LUZP1: variants seen among roughly 807,000 people sequenced by gnomAD.
LUZP1 encodes the protein filamin mechanobinding actin cross-linking protein.
In LUZP1, 25 loss-of-function variants were observed where a neutral mutation model predicts 71.3. The observed-to-expected ratio is 0.35, with a 90% CI of 0.26 to 0.49. LUZP1 has a LOEUF of 0.49. LUZP1 is among the 20% of genes least tolerant of loss of function. LUZP1 has a pLI of 0.99. For missense variants in LUZP1, 1,142 were observed against 1,300.8 expected (o/e 0.88, Z 1.88); for synonymous variants, 481 against 506.4 (o/e 0.95, Z 0.67).
At chr1:23,164,215 G>A (rs765326531) in intron 2 of LUZP1, among the ~76,000 whole-genome samples, 2 of 152,170 alleles carry the variant, frequency 1.3e-5, no homozygotes, top group African/African-American at 2.4e-5. Flanking sequence ...ATAGTCACCG[G>A]CTGGGCGCGG....
intron 1 of LUZP1, among the ~76,000 whole-genome samples, chr1:23,176,062 C>CTTTTTTTTTTTTTTTT (rs57669214): frequency 7.7e-6 from 1 of 129,852 alleles, no homozygotes; most frequent in Non-Finnish European, 1.6e-5. Flanking sequence ...ACTTCCTTGA[C>CTTTTTTTTTTTTTTTT]TTTTTTTTTT....
At chr1:23,158,351 C>A (rs1235461979) in intron 2 of LUZP1, among the ~76,000 whole-genome samples, 1 of 152,102 alleles carries the variant, frequency 6.6e-6, no homozygotes, top group African/African-American at 2.4e-5. Context: ...TGAAATTTTT[C>A]TTGTAAAAGA....
At position 23,093,467 on chromosome 1, in the gene LUZP1, C is replaced by A. The variant is rs761100989; in HGVS notation, c.795G>T (p.Lys265Asn). The change falls in exon 4 of 5, where the codon AAG becomes AAT. Residue 265 changes from lysine (K) to asparagine (N), a missense_variant. Coordinates refer to ENST00000302291, the Ensembl canonical transcript of LUZP1. This position sits in a 1 kb window ranked among gnomAD's most constrained non-coding sequence, Gnocchi z 4.2. ...TGTTTCTTGTTTCATTCTCTACCTG[C>A]TTTAGGTAGTCCAGACCACCCTTCC... 6 of 1,613,066 alleles carry A rather than the reference C, an allele frequency of 3.7e-6. No individual in the cohort carries two copies. In the South Asian group the frequency reaches 6.6e-5, roughly 18 times the overall value.
At position 23,086,325 on chromosome 1, in the gene LUZP1, T is replaced by C. The variant is rs1404605365; in HGVS notation, c.*2570A>G. ...AAAATCTATCTAGAAAGTGTGCAGA[T>C]TAAAGAAACAAAATATCCTGAAATA... On this transcript the variant is annotated 3_prime_UTR_variant, in exon 5 of 5. Transcript: ENST00000302291. 1 of 152,634 alleles carries C rather than the reference T, an allele frequency of 6.6e-6. No homozygotes were observed. The highest frequency in any genetic ancestry group is 1.5e-5 in the Non-Finnish European group (1 of 68,022). The allele number at this position is 152,634 out of a possible 1,614,324, so 9.5% of individuals were successfully genotyped here.
At chr1:23,087,473 G>T (rs1009520250) in exon 5 of LUZP1, 1 of 152,436 alleles carries the variant, frequency 6.6e-6, no homozygotes, top group African/African-American at 2.4e-5. Flanking sequence ...GAGGCTCCAA[G>T]AAGACAATGA....
chr1:23,139,072 A>G (rs1402758097), intron 2 of LUZP1, among the ~76,000 whole-genome samples: 1 of 138,338 alleles, frequency 7.2e-6, no homozygotes, highest in Non-Finnish European at 1.5e-5. Context: ...TATTTTGTAT[A>G]TATAATGTGT....
chr1:23,121,886 C>T (rs990790390), intron 2 of LUZP1, among the ~76,000 whole-genome samples: 1 of 152,170 alleles, frequency 6.6e-6, no homozygotes, highest in African/African-American at 2.4e-5. Flanking sequence ...GTGGCGCACG[C>T]CTGTAATCTC....
At chr1:23,166,512 G>A (rs999150226) in intron 2 of LUZP1, among the ~76,000 whole-genome samples, 5 of 151,694 alleles carry the variant, frequency 3.3e-5, no homozygotes, top group African/African-American at 9.7e-5. Context: ...AAAATTAACC[G>A]GGCAAGGTGG....
In LUZP1 at chr1:23,093,559, G is replaced by T. The variant is rs1414150075; in HGVS notation, c.703C>A (p.Leu235Met). The change falls in exon 4 of 5, where the codon CTG becomes ATG. Residue 235 changes from leucine to methionine, a missense_variant. Transcript: ENST00000302291. The surrounding 1 kb of genome is among the most constrained non-coding windows in gnomAD (Gnocchi z 4.2). ...TCAATCCGTAGGTCATTTCTTTCCA[G>T]ATTAGAAGCATTCCTTGTATAATCT... 2.5e-6 allele frequency: 4 copies of T among 1,613,780 alleles called. No homozygotes were observed. Among genetic ancestry groups the T allele is most frequent in the African/African-American group, 2.7e-5 (2 of 74,896 alleles).
chr1:23,138,994 T>C (rs1644278339), intron 2 of LUZP1, among the ~76,000 whole-genome samples: 1 of 23,054 alleles, frequency 4.3e-5, no homozygotes, highest in African/African-American at 3.9e-4. Flanking sequence ...CAAGACTCCA[T>C]CTCAAAAAAA....
At chr1:23,114,439 A>AT (rs1464910947) in intron 2 of LUZP1, among the ~76,000 whole-genome samples, 2 of 152,296 alleles carry the variant, frequency 1.3e-5, no homozygotes, top group East Asian at 1.9e-4. Context: ...ATCAGGGGGT[A>AT]TGGGGCTAAG....
chr1:23,167,266 T>C (rs966807476), intron 2 of LUZP1, among the ~76,000 whole-genome samples: 1 of 151,980 alleles, frequency 6.6e-6, no homozygotes, highest in Non-Finnish European at 1.5e-5. Context: ...TCTTATTAGG[T>C]GATCTGAATT....
At chr1:23,089,957 A>G (rs561702369) in intron 4 of LUZP1, among the ~76,000 whole-genome samples, 8 of 152,086 alleles carry the variant, frequency 5.3e-5, no homozygotes, top group Non-Finnish European at 1.2e-4. Flanking sequence ...ACGGGGTTTC[A>G]CTATATTGTC....
chr1:23,157,617 C>T (rs909706231), intron 2 of LUZP1, among the ~76,000 whole-genome samples: 1 of 152,044 alleles, frequency 6.6e-6, no homozygotes, highest in Non-Finnish European at 1.5e-5. Flanking sequence ...ACAGTGAAAC[C>T]TCATCTCTAC....
At chr1:23,126,968 A>C (rs1057128046) in intron 2 of LUZP1, among the ~76,000 whole-genome samples, 1 of 152,248 alleles carries the variant, frequency 6.6e-6, no homozygotes, top group Non-Finnish European at 1.5e-5. Context: ...AGTCAAATGT[A>C]ATGTTGGCAA....
rs1436716822 is a variant in LUZP1, at chr1:23,093,787, T to C, written c.475A>G (p.Arg159Gly). ...GATTCTAGTTCTTTCACTTTGACTC[T>C]GAGCATTTCCAGCTCAGAGGAGATT... Residue 159 changes from arginine (R) to glycine (G), a missense_variant, in exon 4 of 5, where the codon AGA becomes GGA. By Grantham distance (125) the Arg-to-Gly change is moderately radical (BLOSUM62 -2). Transcript: ENST00000302291. This position sits in a 1 kb window ranked among gnomAD's most constrained non-coding sequence, Gnocchi z 4.2. The C allele has an allele frequency of 6.2e-7, 1 of 1,614,070 alleles. No homozygotes were observed. Among genetic ancestry groups the C allele is most frequent in the Middle Eastern group, 1.6e-4 (1 of 6,062 alleles).
At chr1:23,155,621 C>T (rs1644415649) in intron 2 of LUZP1, among the ~76,000 whole-genome samples, 1 of 152,118 alleles carries the variant, frequency 6.6e-6, no homozygotes, top group Admixed American at 6.6e-5. Flanking sequence ...ATCATTAGTC[C>T]TCAATGACTA....
chr1:23,146,720 C>T (rs944504019), intron 2 of LUZP1, among the ~76,000 whole-genome samples: 42 of 152,138 alleles, frequency 2.8e-4, no homozygotes, highest in Admixed American at 1.2e-3. Context: ...CACCTGAGCC[C>T]GGGAAGATCA....
chr1:23,149,171 A>T (rs1412734607), intron 2 of LUZP1, among the ~76,000 whole-genome samples: 1 of 151,694 alleles, frequency 6.6e-6, no homozygotes, highest in Non-Finnish European at 1.5e-5. Flanking sequence ...TTTACTTGTT[A>T]TAGATTTAAC....
Sources: allele counts gnomAD v4.1 joint callset (sites outside exome capture counted in the v4.1 genomes callset), GRCh38; gene constraint gnomAD v4.1.1; non-coding constraint Gnocchi (gnomAD v3.1); transcripts MANE v1.5; gene names NCBI Gene and HGNC (gene_info 2026-07-23, HGNC 2026-07-21).